CNNM2: variants seen among roughly 807,000 people sequenced by gnomAD.
CNNM2 encodes cyclin and CBS domain divalent metal cation transport mediator 2.
Under a neutral mutation model 66.9 loss-of-function variants are expected in CNNM2, and 12 were observed. That is an observed-to-expected ratio of 0.18 (90% CI 0.11 to 0.29). CNNM2 has a LOEUF of 0.29. Among genes scored for constraint, CNNM2 ranks in the 10% least tolerant of loss-of-function variants. The pLI, the probability that CNNM2 is intolerant of heterozygous loss-of-function variation, is 1.00. For missense variants in CNNM2, 705 were observed against 1,167.7 expected, an observed-to-expected ratio of 0.60 and a Z score of 5.77; for synonymous variants, 557 against 501.8, an observed-to-expected ratio of 1.11 and a Z score of -1.47.
At chr10:103,070,773 T>C (rs961205797) in intron 5 of CNNM2, among the ~76,000 whole-genome samples, 1 of 152,086 alleles carries the variant, frequency 6.6e-6, no homozygotes, top group African/African-American at 2.4e-5. Flanking sequence ...CTACTAAAAA[T>C]ACAAAAATTA....
intron 1 of CNNM2, among the ~76,000 whole-genome samples, chr10:102,944,188 C>T (rs1448013981): frequency 2.0e-5 from 3 of 150,176 alleles, no homozygotes; most frequent in African/African-American, 7.4e-5. Context: ...AAGCAATTCT[C>T]CTGTCTCAGC....
intron 1 of CNNM2, among the ~76,000 whole-genome samples, chr10:102,990,509 A>G (rs1167846194): frequency 1.6e-4 from 24 of 152,232 alleles, no homozygotes; most frequent in Admixed American, 1.6e-3. Flanking sequence ...CAGAAAAATA[A>G]TAGAAACAGT....
At chr10:103,036,942 T>G (rs2064951071) in intron 1 of CNNM2, among the ~76,000 whole-genome samples, 1 of 152,130 alleles carries the variant, frequency 6.6e-6, no homozygotes, top group African/African-American at 2.4e-5. Flanking sequence ...TGTCCTATAC[T>G]GTGGCTCTGT....
At chr10:102,935,095 G>A (rs1455293586) in intron 1 of CNNM2, among the ~76,000 whole-genome samples, 2 of 149,502 alleles carry the variant, frequency 1.3e-5, no homozygotes, top group Middle Eastern at 6.8e-3. Context: ...GGAGGTGGAG[G>A]TTGCAGTGAG....
At chr10:103,066,202 C>T (rs748418323) in intron 4 of CNNM2, among the ~76,000 whole-genome samples, 1 of 151,958 alleles carries the variant, frequency 6.6e-6, no homozygotes, top group Non-Finnish European at 1.5e-5. Flanking sequence ...CTGCCATGGT[C>T]CTGTTATGGT....
chr10:103,063,265 G>A (rs2065419257), intron 4 of CNNM2, among the ~76,000 whole-genome samples: 1 of 152,204 alleles, frequency 6.6e-6, no homozygotes. Flanking sequence ...CCCAGGCTTT[G>A]AGTGGGCATC....
intron 1 of CNNM2, among the ~76,000 whole-genome samples, chr10:103,020,882 G>A (rs1430807827): frequency 6.6e-6 from 1 of 152,146 alleles, no homozygotes; most frequent in Non-Finnish European, 1.5e-5. Flanking sequence ...AAAGATATAG[G>A]TATTGGCTGG....
chr10:102,918,488 G>T lies in CNNM2; in HGVS notation c.8G>T (p.Gly3Val). 1 of 1,606,562 alleles carries T rather than the reference G, an allele frequency of 6.2e-7. No individual in the cohort carries two copies. MI[G>V]CGACEPKVKM... ...AGCTGGAGCAGCCACCCTATGATTG[G>T]CTGTGGCGCTTGTGAACCCAAAGTA... Residue 3 changes from glycine (G) to valine (V), a missense_variant, in exon 1 of 8, where the codon GGC (glycine) becomes GTC (valine). This residue lies in a region of CNNM2 where 98 missense variants were observed against 73.6 expected (regional missense o/e 1.33). Transcript: ENST00000369878. The surrounding 1 kb of genome is among the most constrained non-coding windows in gnomAD (Gnocchi z 4.1).
intron 4 of CNNM2, among the ~76,000 whole-genome samples, chr10:103,062,560 C>CA (rs1179482561): frequency 1.3e-5 from 2 of 152,172 alleles, no homozygotes; most frequent in Non-Finnish European, 2.9e-5. Flanking sequence ...GCTTAGAACT[C>CA]TTATATATAA....
In CNNM2 at chr10:103,076,838, G is replaced by T. The variant is rs1015698924; in HGVS notation, c.2419-133G>T. The T allele has an allele frequency of 5.4e-6, 4 of 746,328 alleles. 1 individual carries two copies. The highest frequency in any genetic ancestry group is 9.0e-6 in the Non-Finnish European group (4 of 444,716). 46.2% of individuals were successfully genotyped at this position (746,328 alleles called of 1,614,324 possible). A position where few individuals can be genotyped will look rare whatever the true frequency, so the allele number is the denominator to read the frequency against. ...AAGTCAACTTGAACTTGACAAAGTG[G>T]CTCACTGCGCTCAAGTGTGATTTTC... On this transcript the variant is annotated intron_variant, in intron 7 of 7. Coordinates refer to ENST00000369878, the MANE Select transcript of CNNM2 (RefSeq NM_017649.5).
intron 1 of CNNM2, among the ~76,000 whole-genome samples, chr10:103,043,105 AC>A (rs2065070095): frequency 6.6e-6 from 1 of 152,196 alleles, no homozygotes; most frequent in African/African-American, 2.4e-5. Flanking sequence ...TTCTGTGCTA[AC>A]GGTGCCCCCT....
At chr10:103,055,903 C>A (rs1361206170) in intron 3 of CNNM2, among the ~76,000 whole-genome samples, 1 of 152,032 alleles carries the variant, frequency 6.6e-6, no homozygotes, top group African/African-American at 2.4e-5. Flanking sequence ...GTCTGGCCAA[C>A]ATGATGAAAC....
chr10:103,012,509 G>C (rs546941425), intron 1 of CNNM2, among the ~76,000 whole-genome samples: 13 of 152,096 alleles, frequency 8.5e-5, no homozygotes, highest in Non-Finnish European at 1.2e-4. Context: ...TTATCCAGGC[G>C]TGGTGGTGGG....
rs747815601 is a variant in CNNM2 at position 103,077,190 on chromosome 10, G to T, written c.*10G>T. 5 of 1,610,296 alleles carry T rather than the reference G, an allele frequency of 3.1e-6. No homozygotes were observed. The South Asian group carries it at 5.5e-5, about 18-fold the overall frequency. ...CGAAGGCGCCATCTAGGCCGCGCTGGCTGCACCCGCCCAGGCCCGCACCCG... is the reference window on the plus strand; with the variant it reads ...CGAAGGCGCCATCTAGGCCGCGCTGTCTGCACCCGCCCAGGCCCGCACCCG... On this transcript the variant is annotated 3_prime_UTR_variant, in exon 8 of 8. Transcript: ENST00000369878.
At chr10:103,074,424 C>T (rs1370682517) in intron 6 of CNNM2, among the ~76,000 whole-genome samples, 1 of 152,192 alleles carries the variant, frequency 6.6e-6, no homozygotes, top group Non-Finnish European at 1.5e-5. Flanking sequence ...GTTAATTTGC[C>T]TTGTTCTCGT....
intron 1 of CNNM2, among the ~76,000 whole-genome samples, chr10:103,034,782 A>C (rs1329729885): frequency 6.6e-6 from 1 of 151,968 alleles, no homozygotes; most frequent in Non-Finnish European, 1.5e-5. Flanking sequence ...CTGGCTAACA[A>C]GGTGAAACCC....
chr10:102,995,454 C>T (rs1049326820), intron 1 of CNNM2, among the ~76,000 whole-genome samples: 1 of 151,738 alleles, frequency 6.6e-6, no homozygotes, highest in South Asian at 2.1e-4. Context: ...CTCAAGTGAT[C>T]CACCTGCCTT....
intron 1 of CNNM2, among the ~76,000 whole-genome samples, chr10:102,952,182 C>T (rs1294402051): frequency 6.6e-6 from 1 of 152,086 alleles, no homozygotes; most frequent in Admixed American, 6.5e-5. Flanking sequence ...CTCAAACAGT[C>T]GTCCTGCCTT....
At chr10:103,069,540 T>G (rs570296488) in intron 5 of CNNM2, among the ~76,000 whole-genome samples, 117 of 152,366 alleles carry the variant, frequency 7.7e-4, no homozygotes, top group African/African-American at 2.6e-3. Context: ...TGACTGCCTG[T>G]GGCCGGCTCT....
Sources: allele counts gnomAD v4.1 joint callset (sites outside exome capture counted in the v4.1 genomes callset), GRCh38; gene constraint gnomAD v4.1.1; regional missense constraint gnomAD v4.1.1; non-coding constraint Gnocchi (gnomAD v3.1); transcripts MANE v1.5; gene names NCBI Gene and HGNC (gene_info 2026-07-23, HGNC 2026-07-21).